The following CREBBP variants were observed in gnomAD, a reference collection of about 807,000 sequenced individuals.
CREBBP encodes CREB binding lysine acetyltransferase.
Under a neutral mutation model 265.0 loss-of-function variants are expected in CREBBP, and 19 were observed. The observed-to-expected ratio is 0.07, with a 90% CI of 0.05 to 0.11. CREBBP has a LOEUF of 0.11. Ranked by LOEUF, CREBBP falls within the 10% of genes least tolerant of loss-of-function variation. CREBBP has a pLI of 1.00. For synonymous variants in CREBBP, 1,457 were observed against 1,223.7 expected (o/e 1.19, Z -3.98); for missense variants, 2,525 against 3,219.0 (o/e 0.78, Z 5.22).
At chr16:3,833,634 A>G (rs1346945024) in intron 2 of CREBBP, among the ~76,000 whole-genome samples, 1 of 152,196 alleles carries the variant, frequency 6.6e-6, no homozygotes, top group Non-Finnish European at 1.5e-5. Context: ...CATTTATTAT[A>G]CTTCTCCATA....
At chr16:3,742,464 C>T (rs1482292364) in intron 23 of CREBBP, 1 of 152,164 alleles carries the variant, frequency 6.6e-6, no homozygotes, top group Non-Finnish European at 1.5e-5. Context: ...GTGCCCCTCG[C>T]TTTCTGGCAT....
At chr16:3,780,648 C>T (rs1392430386) in intron 8 of CREBBP, 84 bp downstream of exon 8, 23 of 1,448,954 alleles carry the variant, frequency 1.6e-5, no homozygotes, top group Non-Finnish European at 2.2e-5. Context: ...CTTGTATAGG[C>T]TCCTAGGGTA....
At chr16:3,853,964 A>C (rs928738700) in intron 1 of CREBBP, among the ~76,000 whole-genome samples, 8 of 148,564 alleles carry the variant, frequency 5.4e-5, no homozygotes, top group Admixed American at 2.7e-4. Context: ...ACAAACAAAC[A>C]CACACACACA....
In CREBBP at chr16:3,793,608, C is replaced by T. The variant is rs1414509050; in HGVS notation, c.994G>A (p.Val332Met). Residue 332 changes from valine (V) to methionine (M), a missense_variant, in exon 4 of 31, where the codon GTG (valine) becomes ATG (methionine). Physicochemically the swap from Val to Met is conservative, Grantham distance 21. This residue lies in a region of CREBBP where 126 missense variants were observed against 171.9 expected (regional missense o/e 0.73). Transcript: ENST00000262367. ...VPNMSQMQTS[V>M]GIVPTQAIAT... is the part of the protein sequence containing the mutation. ...ATTGCTTGTGTGGGTACAATTCCCA[C>T]TGATGTTTGCATCTGAGACTAAAAT... is the stretch of plus-strand genomic sequence containing the variant. The T allele has an allele frequency of 6.2e-7, 1 of 1,613,142 alleles. No homozygotes were observed. Among genetic ancestry groups the T allele is most frequent in the Admixed American group, 1.7e-5 (1 of 59,992 alleles).
chr16:3,726,171 T>TG lies in CREBBP; in HGVS notation c.*1546dup, dbSNP rs912945021. The stretch of plus-strand genomic sequence containing the variant: ...CATGCTGCGCGGCAGCGGCAGGATT[T>TG]GGGGGGAAGTCAGAAAGCACCTCGC... On this transcript the variant is annotated 3_prime_UTR_variant, in exon 31 of 31. Coordinates refer to ENST00000262367, the MANE Select transcript of CREBBP (RefSeq NM_004380.3). 198 of 216,166 alleles carry TG rather than the reference T, an allele frequency of 9.2e-4. No homozygotes were observed. The highest frequency in any genetic ancestry group is 1.5e-3 in the Middle Eastern group (1 of 674). The allele number at this position is 216,166 out of a possible 1,614,324, so 13.4% of individuals were successfully genotyped here. A position where few individuals can be genotyped will look rare whatever the true frequency, so the allele number is the denominator to read the frequency against.
At chr16:3,826,068 C>T (rs2141395596) in intron 2 of CREBBP, among the ~76,000 whole-genome samples, 1 of 152,270 alleles carries the variant, frequency 6.6e-6, no homozygotes, top group Non-Finnish European at 1.5e-5. Flanking sequence ...CAAAAAACAG[C>T]CGGGTGCAGT....
rs141098117 is a variant in CREBBP, at chr16:3,777,630, C to T, written c.2141G>A (p.Arg714His). ...TTCAATACCTTGAGAAACTTGCATG[C>T]GATTCACTGGCAGGGACAGGGGTCC... ...PNGPLSLPVN[R>H]MQVSQGMNSF... The change falls in exon 11 of 31, where the codon CGC becomes CAC. Residue 714 changes from arginine (R) to histidine (H), a missense_variant. Arg to His is a conservative substitution (Grantham distance 29). Transcript: ENST00000262367. 8 of 1,613,972 alleles carry T rather than the reference C, an allele frequency of 5.0e-6. No homozygotes were observed. The highest frequency in any genetic ancestry group is 4.0e-5 in the African/African-American group (3 of 74,914).
chr16:3,759,567 A>T (rs997562972), intron 16 of CREBBP, among the ~76,000 whole-genome samples: 2 of 142,438 alleles, frequency 1.4e-5, no homozygotes. Flanking sequence ...AGCCTGGACA[A>T]CAAGAGCAAA....
chr16:3,835,738 C>G (rs987048826), intron 2 of CREBBP, among the ~76,000 whole-genome samples: 2 of 151,836 alleles, frequency 1.3e-5, no homozygotes, highest in African/African-American at 4.8e-5. Flanking sequence ...TGGCACCACA[C>G]CTGGCTGATT....
rs2151303623 is a variant in CREBBP at position 3,728,551 on chromosome 16, G to C, written c.6496C>G (p.Pro2166Ala). ...ATGATGTTCAAGGCCTGGCCCTGGG[G>C]GTTCAGGCCTCCCATCGCCTGCTGC... is the stretch of plus-strand genomic sequence containing the variant. ...PQQQAMGGLN[P>A]QGQALNIMNP... The change falls in exon 31 of 31, where the codon CCC becomes GCC. Residue 2166 changes from proline to alanine, a missense_variant. By Grantham distance (27) the Pro-to-Ala change is conservative. Coordinates refer to ENST00000262367, the MANE Select transcript of CREBBP (RefSeq NM_004380.3). This position sits in a 1 kb window ranked among gnomAD's most constrained non-coding sequence, Gnocchi z 8.7. 6.2e-7 allele frequency: 1 copy of C among 1,614,090 alleles called. No homozygotes were observed. The highest frequency in any genetic ancestry group is 1.1e-5 in the South Asian group (1 of 91,086).
chr16:3,848,680 T>C (rs767234772), intron 2 of CREBBP, among the ~76,000 whole-genome samples: 5 of 152,308 alleles, frequency 3.3e-5, no homozygotes, highest in African/African-American at 4.8e-5. Context: ...GTCGACTTCA[T>C]ATGATTTAAA....
chr16:3,849,439 GTGTGTGT>G (rs1567360426), intron 2 of CREBBP, among the ~76,000 whole-genome samples: 597 of 17,200 alleles, frequency 0.035, 51 homozygotes, highest in Middle Eastern at 0.14. Context: ...GTGTGTGTGT[GTGTGTGT>G]GTGTGTGTGT....
chr16:3,818,714 C>A (rs1357405457), intron 2 of CREBBP, among the ~76,000 whole-genome samples: 3 of 152,206 alleles, frequency 2.0e-5, no homozygotes, highest in Non-Finnish European at 4.4e-5. Flanking sequence ...ACGCCTCAAG[C>A]CACAATACAC....
rs1389817775 is a variant in CREBBP at position 3,736,061 on chromosome 16, C to T, written c.4703G>A (p.Ser1568Asn). Residue 1568 changes from serine to asparagine, a missense_variant, in exon 28 of 31, where the codon AGC (serine) becomes AAC (asparagine). This residue lies in a region of CREBBP where 93 missense variants were observed against 161.5 expected (regional missense o/e 0.58). Coordinates refer to ENST00000262367, the MANE Select transcript of CREBBP (RefSeq NM_004380.3). Reference protein sequence around the residue: ...QEEEERKKEESTAASETTEGS... With the variant: ...QEEEERKKEENTAASETTEGS... ...CTCAGTGGTTTCACTGGCTGCAGTGCTCTCTTCCTTTTTCCTCTCCTCTTC... is the reference window on the plus strand; with the variant it reads ...CTCAGTGGTTTCACTGGCTGCAGTGTTCTCTTCCTTTTTCCTCTCCTCTTC... The T allele has an allele frequency of 1.3e-5, 21 of 1,614,118 alleles. No homozygotes were observed. The highest frequency in any genetic ancestry group is 6.7e-5 in the East Asian group (3 of 44,894).
chr16:3,750,254 A>G (rs2052443582), intron 20 of CREBBP, among the ~76,000 whole-genome samples: 1 of 152,142 alleles, frequency 6.6e-6, no homozygotes, highest in South Asian at 2.1e-4. Flanking sequence ...GACTAAAGAG[A>G]ATTAGGATGA....
intron 1 of CREBBP, among the ~76,000 whole-genome samples, chr16:3,851,309 A>T (rs1479736424): frequency 1.0e-4 from 14 of 137,006 alleles, no homozygotes; most frequent in Non-Finnish European, 1.8e-4. Context: ...AAAAAATTAA[A>T]AAAAAAAAAA....
At chr16:3,752,855 G>A (rs1249693001) in intron 19 of CREBBP, among the ~76,000 whole-genome samples, 2 of 152,050 alleles carry the variant, frequency 1.3e-5, no homozygotes, top group African/African-American at 2.4e-5. Flanking sequence ...ATAGAGCCTG[G>A]GCTCAAGCTA....
intron 1 of CREBBP, among the ~76,000 whole-genome samples, chr16:3,865,824 G>C (rs2055167149): frequency 6.6e-6 from 1 of 152,112 alleles, no homozygotes; most frequent in Non-Finnish European, 1.5e-5. Context: ...TTTTAGTAGA[G>C]ACGGGGTTTC....
At chr16:3,799,540 G>GT (rs2053672335) in intron 3 of CREBBP, among the ~76,000 whole-genome samples, 6 of 152,202 alleles carry the variant, frequency 3.9e-5, no homozygotes, top group Admixed American at 3.3e-4. Context: ...TCTTTTGACA[G>GT]TAACTCCACT....
Sources: gnomAD v4.1 joint callset for allele counts (sites outside exome capture counted in the v4.1 genomes callset) on GRCh38, gnomAD v4.1.1 for gene constraint, gnomAD v4.1.1 regional missense constraint, Gnocchi (gnomAD v3.1) non-coding constraint, MANE v1.5 for transcripts, NCBI Gene and HGNC (gene_info 2026-07-23, HGNC 2026-07-21) for gene names.